Variants in HAUS2 observed in about 807,000 individuals in gnomAD.
The protein encoded by HAUS2 is HAUS augmin-like complex subunit 2.
Under a neutral mutation model 21.6 loss-of-function variants are expected in HAUS2, and 20 were observed. That is an observed-to-expected ratio of 0.93 (90% confidence interval 0.65 to 1.35). The LOEUF (loss-of-function observed/expected upper bound fraction) is 1.35, where lower values mean the gene tolerates loss of function less well. HAUS2 is among the 40% of genes most tolerant of loss of function. HAUS2 has a pLI of 0.00. For synonymous variants in HAUS2, 113 were observed against 95.6 expected, an observed-to-expected ratio of 1.18 and a Z score of -1.06; for missense variants, 297 against 280.7, an observed-to-expected ratio of 1.06 and a Z score of -0.42.
intron 5 of HAUS2, among the ~76,000 whole-genome samples, chr15:42,565,016 T>C (rs1268034712): frequency 6.6e-6 from 1 of 152,164 alleles, no homozygotes; most frequent in African/African-American, 2.4e-5. Context: ...TTTGTATTTT[T>C]AGTAGAGACG....
At chr15:42,550,276 GT>G (rs1380283892) in intron 1 of HAUS2, among the ~76,000 whole-genome samples, 1 of 123,684 alleles carries the variant, frequency 8.1e-6, no homozygotes, top group African/African-American at 3.4e-5. Flanking sequence ...GTGAGACCCT[GT>G]CTCAGGGAAA....
intron 1 of HAUS2, among the ~76,000 whole-genome samples, chr15:42,551,790 C>T (rs1199816128): frequency 1.3e-5 from 2 of 152,070 alleles, no homozygotes; most frequent in Non-Finnish European, 2.9e-5. Flanking sequence ...TGGTGGTTGT[C>T]TTGGGGGTGT....
chr15:42,551,640 CA>C (rs926560930), intron 1 of HAUS2, among the ~76,000 whole-genome samples: 6 of 149,658 alleles, frequency 4.0e-5, no homozygotes, highest in African/African-American at 7.4e-5. Flanking sequence ...GACCCTGTCT[CA>C]AAAAAAAACA....
chr15:42,555,038 G>A (rs183408596), intron 1 of HAUS2, among the ~76,000 whole-genome samples: 3 of 151,048 alleles, frequency 2.0e-5, no homozygotes, highest in Non-Finnish European at 4.4e-5. Flanking sequence ...TCATCAGGCT[G>A]GAGTGCAATG....
At position 42,569,421 on chromosome 15, in the gene HAUS2, C is replaced by T. The variant is rs983792497; in HGVS notation, c.*2605C>T. On this transcript the variant is annotated 3_prime_UTR_variant, in exon 6 of 6. Coordinates refer to ENST00000260372, the MANE Select transcript of HAUS2 (RefSeq NM_018097.3). Reference sequence around the variant, plus strand: ...TCTCAGGCTCAAGTGATCCTCCCACCTCAGCCTCCCAAGTAGCTGGGACTA... The same window carrying T: ...TCTCAGGCTCAAGTGATCCTCCCACTTCAGCCTCCCAAGTAGCTGGGACTA... 2.6e-5 allele frequency: 4 copies of T among 152,032 alleles called. No homozygotes were observed. Among genetic ancestry groups the T allele is most frequent in the African/African-American group, 9.7e-5 (4 of 41,362 alleles). 9.4% of individuals were successfully genotyped at this position (152,032 alleles called of 1,614,324 possible). A position where few individuals can be genotyped will look rare whatever the true frequency, so the allele number is the denominator to read the frequency against.
intron 1 of HAUS2, among the ~76,000 whole-genome samples, chr15:42,553,147 C>T (rs569375341): frequency 3.9e-5 from 6 of 152,050 alleles, no homozygotes; most frequent in African/African-American, 7.2e-5. Context: ...CCACCACGCC[C>T]GGCTAATTTT....
intron 3 of HAUS2, among the ~76,000 whole-genome samples, chr15:42,560,620 C>CTTT (rs35827490): frequency 7.1e-5 from 10 of 140,138 alleles, no homozygotes; most frequent in African/African-American, 2.6e-4. Context: ...TGTAGGATGA[C>CTTT]TTTTTTTTTT....
chr15:42,562,504 A>G (rs1595555050), intron 4 of HAUS2, among the ~76,000 whole-genome samples: 1 of 152,218 alleles, frequency 6.6e-6, no homozygotes, highest in South Asian at 2.1e-4. Flanking sequence ...CTGAGGCAGG[A>G]AAATCACTTG....
intron 1 of HAUS2, among the ~76,000 whole-genome samples, chr15:42,549,252 C>A (rs912316334): frequency 1.3e-5 from 2 of 151,792 alleles, no homozygotes; most frequent in African/African-American, 4.8e-5. Context: ...GCCTTTTTTT[C>A]ATCCAGTGAT....
intron 1 of HAUS2, among the ~76,000 whole-genome samples, chr15:42,550,160 G>A (rs1295822954): frequency 1.3e-5 from 2 of 151,924 alleles, no homozygotes; most frequent in Non-Finnish European, 2.9e-5. Context: ...ACTACTCCGC[G>A]GACCACATGG....
rs918319373 is a variant in HAUS2 at position 42,569,042 on chromosome 15, AAAG to A, written c.*2232_*2234del. The A allele has an allele frequency of 6.6e-6, 1 of 152,228 alleles. No individual in the cohort carries two copies. Among genetic ancestry groups the A allele is most frequent in the African/African-American group, 2.4e-5 (1 of 41,462 alleles). 9.4% of individuals were successfully genotyped at this position (152,228 alleles called of 1,614,324 possible). A position where few individuals can be genotyped will look rare whatever the true frequency, so the allele number is the denominator to read the frequency against. On this transcript the variant is annotated 3_prime_UTR_variant, in exon 6 of 6. Transcript: ENST00000260372. ...TTTACTGGTAGCTGTAGGAATAGGCAAAGAAGAAACAGCAAAGAAAAAGGCACA... is the reference window on the plus strand; with the variant it reads ...TTTACTGGTAGCTGTAGGAATAGGCAAAGAAACAGCAAAGAAAAAGGCACA...
At chr15:42,551,448 TG>T (rs1162726012) in intron 1 of HAUS2, among the ~76,000 whole-genome samples, 1 of 151,880 alleles carries the variant, frequency 6.6e-6, no homozygotes, top group East Asian at 2.0e-4. Context: ...TGAGATCAGC[TG>T]GGCCAACATG....
In HAUS2 at chr15:42,569,291, T is replaced by C. The variant is rs2057937297; in HGVS notation, c.*2475T>C. ...AGTTTTGTTTTTTGTTTTGTTCTTTTCTTTCCTTTTTTTTTTTTTTTTTTT... is the reference window on the plus strand; with the variant it reads ...AGTTTTGTTTTTTGTTTTGTTCTTTCCTTTCCTTTTTTTTTTTTTTTTTTT... On this transcript the variant is annotated 3_prime_UTR_variant, in exon 6 of 6. Coordinates refer to ENST00000260372, the MANE Select transcript of HAUS2 (RefSeq NM_018097.3). 1 of 149,816 alleles carries C rather than the reference T, an allele frequency of 6.7e-6. No individual in the cohort carries two copies. Among genetic ancestry groups the C allele is most frequent in the African/African-American group, 2.5e-5 (1 of 39,936 alleles). 9.3% of individuals were successfully genotyped at this position (149,816 alleles called of 1,614,324 possible).
chr15:42,561,403 G>A lies in HAUS2; in HGVS notation c.389+1G>A, dbSNP rs754474677. The A allele has an allele frequency of 1.9e-6, 3 of 1,600,598 alleles. No individual in the cohort carries two copies. The highest frequency in any genetic ancestry group is 1.7e-6 in the Non-Finnish European group (2 of 1,168,632). ...TACCTATTGAAGCTGTTTATCACAG[G>A]TTAGACTGAAAAGTAGAAATTAACA... is the stretch of plus-strand genomic sequence containing the variant. On this transcript the variant is annotated splice_donor_variant, in intron 4 of 5. Coordinates refer to ENST00000260372, the MANE Select transcript of HAUS2 (RefSeq NM_018097.3). LOFTEE classifies it high-confidence loss of function.
At chr15:42,559,203 C>T (rs2057822737) in intron 2 of HAUS2, 136 bp from the exon 3 acceptor site, 11 of 550,530 alleles carry the variant, frequency 2.0e-5, no homozygotes, top group Admixed American at 3.0e-5. Flanking sequence ...GGCACAATCT[C>T]GGCTCACTAC....
intron 2 of HAUS2, among the ~76,000 whole-genome samples, chr15:42,558,725 A>G (rs905746835): frequency 2.0e-5 from 3 of 152,038 alleles, no homozygotes; most frequent in African/African-American, 7.2e-5. Context: ...TGGGAGGCCA[A>G]GGTGGGAGGA....
At chr15:42,549,561 C>G (rs573126457) in intron 1 of HAUS2, among the ~76,000 whole-genome samples, 184 of 151,928 alleles carry the variant, frequency 1.2e-3, no homozygotes, top group African/African-American at 4.3e-3. Context: ...ATTCTCCTGC[C>G]TCAGCCTCTG....
intron 5 of HAUS2, among the ~76,000 whole-genome samples, chr15:42,564,758 A>G (rs1043659471): frequency 6.6e-6 from 1 of 152,238 alleles, no homozygotes; most frequent in African/African-American, 2.4e-5. Flanking sequence ...TAAAGTGCTG[A>G]GATCACAGGC....
intron 4 of HAUS2, among the ~76,000 whole-genome samples, chr15:42,563,346 A>G (rs1444275879): frequency 1.4e-5 from 2 of 145,830 alleles, no homozygotes; most frequent in Non-Finnish European, 3.0e-5. Flanking sequence ...CAGGAGGCAG[A>G]GGTTTCAGTG....
Sources: gnomAD v4.1 joint callset for allele counts (sites outside exome capture counted in the v4.1 genomes callset) on GRCh38, gnomAD v4.1.1 for gene constraint, MANE v1.5 for transcripts, NCBI Gene and HGNC (gene_info 2026-07-23, HGNC 2026-07-21) for gene names.